The following P3H2 variants were observed in gnomAD, a reference collection of about 807,000 sequenced individuals.
The protein encoded by P3H2 is prolyl 3-hydroxylase 2.
In P3H2, 80 loss-of-function variants were observed where a neutral mutation model predicts 87.0. That is an observed-to-expected ratio of 0.92 (90% CI 0.77 to 1.11). The LOEUF is 1.11. Among genes scored for constraint, P3H2 ranks in the 50% least tolerant of loss-of-function variants. The pLI is 0.00. For missense variants in P3H2, 1,001 were observed against 923.9 expected (o/e 1.08, Z -1.08); for synonymous variants, 367 against 359.3 (o/e 1.02, Z -0.24).
At chr3:190,003,851 GA>G (rs572935397) in intron 1 of P3H2, among the ~76,000 whole-genome samples, 204 of 152,282 alleles carry the variant, frequency 1.3e-3, no homozygotes, top group Non-Finnish European at 2.2e-3. Context: ...AATGGTTACC[GA>G]AAAGCAGTGT....
At chr3:190,070,383 A>G (rs1726661838) in intron 1 of P3H2, among the ~76,000 whole-genome samples, 1 of 152,148 alleles carries the variant, frequency 6.6e-6, no homozygotes, top group Non-Finnish European at 1.5e-5. Context: ...GGTTCTAGTA[A>G]GCATCAGGTT....
rs528866951 is a variant in P3H2 at position 190,077,899 on chromosome 3, G to C, written c.480+42353C>G. The stretch of plus-strand genomic sequence containing the variant: ...TCAACTTGTACCAGAGCCTTCCTGG[G>C]ACCCATAGAGAGTAATGATTGCAAC... On this transcript the variant is annotated intron_variant, in intron 1 of 14. Transcript: ENST00000319332. 6.0e-5 allele frequency among the ~76,000 whole-genome samples: 9 copies of C among 148,784 alleles called. No homozygotes were observed. In the South Asian group the frequency reaches 1.9e-3, roughly 31 times the overall value.
chr3:189,958,301 C>A (rs868685664), intron 14 of P3H2, among the ~76,000 whole-genome samples: 2 of 152,182 alleles, frequency 1.3e-5, no homozygotes, highest in Non-Finnish European at 1.5e-5. Flanking sequence ...AGTGGTCAAG[C>A]TGAATTCACC....
intron 1 of P3H2, among the ~76,000 whole-genome samples, chr3:190,115,546 T>C (rs1274043263): frequency 6.6e-6 from 1 of 151,794 alleles, no homozygotes; most frequent in African/African-American, 2.4e-5. Flanking sequence ...ACAGGTACAA[T>C]ATGTCAAGGG....
chr3:190,092,105 C>T (rs113649769), intron 1 of P3H2, among the ~76,000 whole-genome samples: 4,065 of 151,986 alleles, frequency 0.027, 76 homozygotes, highest in African/African-American at 0.043. Flanking sequence ...TGGTGGTGGA[C>T]ACCTGTAGTC....
intron 1 of P3H2, among the ~76,000 whole-genome samples, chr3:190,066,275 A>G (rs1158156580): frequency 1.3e-5 from 2 of 151,962 alleles, no homozygotes; most frequent in East Asian, 1.9e-4. Flanking sequence ...TGGTATATAC[A>G]TACATATATA....
intron 1 of P3H2, among the ~76,000 whole-genome samples, chr3:190,118,001 A>T (rs1163639669): frequency 6.6e-6 from 1 of 152,202 alleles, no homozygotes; most frequent in African/African-American, 2.4e-5. Flanking sequence ...GAACTTCTTA[A>T]ACTTCATTAA....
At chr3:190,073,219 C>G (rs1211779332) in intron 1 of P3H2, among the ~76,000 whole-genome samples, 2 of 152,164 alleles carry the variant, frequency 1.3e-5, no homozygotes, top group African/African-American at 4.8e-5. Flanking sequence ...TTCTGTGTGT[C>G]TGTTATACTT....
rs775061825 is a variant in P3H2, at chr3:190,120,891, G to T, written c.-160C>A. ...GGTGACCGCCGGCGCTCCGCGTACT[G>T]AGAGGCGGAGGCCGTGCCTGGCCAG... On this transcript the variant is annotated 5_prime_UTR_variant, in exon 1 of 15. Coordinates refer to ENST00000319332, the MANE Select transcript of P3H2 (RefSeq NM_018192.4). 6.7e-6 allele frequency: 8 copies of T among 1,186,834 alleles called. No individual in the cohort carries two copies. Among genetic ancestry groups the T allele is most frequent in the Non-Finnish European group, 9.0e-6 (8 of 891,152 alleles). 73.5% of individuals were successfully genotyped at this position (1,186,834 alleles called of 1,614,324 possible).
chr3:189,997,857 A>T (rs899603080), intron 1 of P3H2, among the ~76,000 whole-genome samples: 2 of 152,216 alleles, frequency 1.3e-5, no homozygotes, highest in African/African-American at 4.8e-5. Flanking sequence ...GCATCTACAT[A>T]GTAATAACTA....
Position 189,978,664 on chromosome 3 carries a change from C to T in P3H2, c.1325-3979G>A, listed in dbSNP as rs144721364. ...TTTCCACACGTACATTTAACAAAAA[C>T]GACCCATCACCCATCAACTAACCAA... On this transcript the variant is annotated intron_variant, in intron 8 of 14. Coordinates refer to ENST00000319332, the MANE Select transcript of P3H2 (RefSeq NM_018192.4). Among the ~76,000 whole-genome samples, 385 of 151,636 alleles carry T rather than the reference C, an allele frequency of 2.5e-3. 1 individual carries two copies. The highest frequency in any genetic ancestry group is 8.9e-3 in the African/African-American group (370 of 41,346).
At chr3:190,046,973 T>A (rs1725826402) in intron 1 of P3H2, among the ~76,000 whole-genome samples, 1 of 152,028 alleles carries the variant, frequency 6.6e-6, no homozygotes, top group South Asian at 2.1e-4. Flanking sequence ...GGGAGAAATA[T>A]TTGCAAACTA....
At chr3:189,978,969 T>C (rs1723439826) in intron 8 of P3H2, among the ~76,000 whole-genome samples, 1 of 152,154 alleles carries the variant, frequency 6.6e-6, no homozygotes, top group Non-Finnish European at 1.5e-5. Flanking sequence ...ACTCTCTGGT[T>C]GCAACAAGAA....
intron 14 of P3H2, 23 bp downstream of exon 14, chr3:189,963,935 T>C (rs1486758693): frequency 6.2e-7 from 1 of 1,614,004 alleles, no homozygotes; most frequent in South Asian, 1.1e-5. Flanking sequence ...CTAATTGGCT[T>C]TCTGGGCGGG....
chr3:189,966,141 AAGAAAGAAAGAAAGAAAG>A (rs1722992906), intron 13 of P3H2, among the ~76,000 whole-genome samples: 3 of 131,108 alleles, frequency 2.3e-5, no homozygotes, highest in Non-Finnish European at 5.0e-5. Flanking sequence ...GAAAGAAAGA[AAGAAAGAAAGAAAGAAAG>A]AAAGAAAGAA....
chr3:190,018,107 T>C (rs1261484397), intron 1 of P3H2, among the ~76,000 whole-genome samples: 1 of 152,218 alleles, frequency 6.6e-6, no homozygotes, highest in Non-Finnish European at 1.5e-5. Flanking sequence ...AAGAATTATA[T>C]GAAACTTTGT....
upstream of P3H2, chr3:190,121,023 G>C (rs999361812): frequency 1.0e-4 from 45 of 443,422 alleles, no homozygotes; most frequent in African/African-American, 8.1e-4. Flanking sequence ...GCCAGGGGCG[G>C]CACACTCCAG....
intron 1 of P3H2, among the ~76,000 whole-genome samples, chr3:190,085,992 A>C (rs1305288716): frequency 5.9e-5 from 9 of 152,182 alleles, no homozygotes; most frequent in African/African-American, 2.2e-4. Flanking sequence ...ATTTACTAAA[A>C]GATTTAAATA....
At chr3:189,992,360 T>C (rs375486067) in intron 3 of P3H2, among the ~76,000 whole-genome samples, 27 of 152,188 alleles carry the variant, frequency 1.8e-4, no homozygotes, top group African/African-American at 6.3e-4. Flanking sequence ...AATCCCAAAG[T>C]GCTAGGATTA....
Sources: allele counts gnomAD v4.1 joint callset (sites outside exome capture counted in the v4.1 genomes callset), GRCh38; gene constraint gnomAD v4.1.1; transcripts MANE v1.5; gene names NCBI Gene and HGNC (gene_info 2026-07-23, HGNC 2026-07-21).